ADAMTS3: variants seen among roughly 807,000 people sequenced by gnomAD.
ADAMTS3 encodes ADAM metallopeptidase with thrombospondin type 1 motif 3, also known as A disintegrin and metalloproteinase with thrombospondin motifs 3.
ADAMTS3 carries 73 observed loss-of-function variants against 129.0 expected under a neutral mutation model. The observed-to-expected ratio is 0.57, with a 90% CI of 0.47 to 0.69. The LOEUF is 0.69. ADAMTS3 is among the 30% of genes least tolerant of loss of function. The probability of loss-of-function intolerance (pLI) is 0.00; values close to 1 mark genes in which losing one functional copy is unlikely to be tolerated. For missense variants in ADAMTS3, 1,457 were observed against 1,514.5 expected, an observed-to-expected ratio of 0.96 and a Z score of 0.63; for synonymous variants, 477 against 510.8, an observed-to-expected ratio of 0.93 and a Z score of 0.89.
At chr4:72,284,250 T>C (rs1718439642) in intron 21 of ADAMTS3, among the ~76,000 whole-genome samples, 1 of 152,240 alleles carries the variant, frequency 6.6e-6, no homozygotes, top group South Asian at 2.1e-4. Context: ...GAGACCATCC[T>C]GGCTAACACA....
intron 3 of ADAMTS3, among the ~76,000 whole-genome samples, chr4:72,418,304 T>C (rs553036349): frequency 3.3e-5 from 5 of 152,090 alleles, no homozygotes; most frequent in Admixed American, 6.6e-5. Context: ...CATATTCACA[T>C]AGTGTGGCAG....
intron 3 of ADAMTS3, among the ~76,000 whole-genome samples, chr4:72,534,710 G>A (rs1299455132): frequency 6.6e-6 from 1 of 152,112 alleles, no homozygotes; most frequent in African/African-American, 2.4e-5. Flanking sequence ...TCAAACTCCT[G>A]GTTTTTAAGT....
chr4:72,487,610 T>C (rs1021343441), intron 3 of ADAMTS3, among the ~76,000 whole-genome samples: 5 of 152,154 alleles, frequency 3.3e-5, no homozygotes, highest in Admixed American at 2.6e-4. Flanking sequence ...TATCGGTTAG[T>C]GACAAAAACG....
At chr4:72,346,880 T>C (rs1407908408) in intron 4 of ADAMTS3, among the ~76,000 whole-genome samples, 3 of 152,112 alleles carry the variant, frequency 2.0e-5, no homozygotes, top group Non-Finnish European at 4.4e-5. Context: ...TACACTTCCA[T>C]CTTCAGCTCT....
At chr4:72,494,394 C>T (rs1478133780) in intron 3 of ADAMTS3, among the ~76,000 whole-genome samples, 2 of 152,066 alleles carry the variant, frequency 1.3e-5, no homozygotes, top group Non-Finnish European at 2.9e-5. Flanking sequence ...TCATTGTATT[C>T]TTCAGCTCCA....
chr4:72,518,782 T>C (rs28837236), intron 3 of ADAMTS3, among the ~76,000 whole-genome samples: 45,131 of 147,416 alleles, frequency 0.31, 6,830 homozygotes, highest in Middle Eastern at 0.34. Context: ...GGGTCTTGAC[T>C]CTTTATCCAA....
chr4:72,366,954 T>C (rs1720884939), intron 4 of ADAMTS3, among the ~76,000 whole-genome samples: 1 of 152,078 alleles, frequency 6.6e-6, no homozygotes, highest in Non-Finnish European at 1.5e-5. Flanking sequence ...CTCTCCTTTA[T>C]CCTCTTTTGC....
intron 10 of ADAMTS3, 128 bp from the exon 11 acceptor site, chr4:72,316,099 T>C (rs1167512154): frequency 4.5e-6 from 2 of 449,340 alleles, no homozygotes; most frequent in Non-Finnish European, 7.8e-6. Context: ...AGCCAATGTT[T>C]TGACATGTTG....
chr4:72,535,512 C>T (rs1219936404), intron 3 of ADAMTS3, among the ~76,000 whole-genome samples: 2 of 152,092 alleles, frequency 1.3e-5, no homozygotes, highest in Non-Finnish European at 2.9e-5. Context: ...AGAAGTAGAC[C>T]TTCCAGAAGT....
chr4:72,346,119 T>C (rs981473787), intron 4 of ADAMTS3, among the ~76,000 whole-genome samples: 1 of 152,166 alleles, frequency 6.6e-6, no homozygotes, highest in Non-Finnish European at 1.5e-5. Context: ...TATTTCAAAA[T>C]GGTTACACCA....
chr4:72,543,385 C>A (rs1258890423), intron 3 of ADAMTS3, among the ~76,000 whole-genome samples: 1 of 152,070 alleles, frequency 6.6e-6, no homozygotes, highest in Non-Finnish European at 1.5e-5. Context: ...GTGAACTGAA[C>A]ACACAGTCTT....
chr4:72,520,600 G>A (rs933356000), intron 3 of ADAMTS3, among the ~76,000 whole-genome samples: 25 of 152,282 alleles, frequency 1.6e-4, no homozygotes, highest in African/African-American at 5.3e-4. Context: ...TCAGACTGCC[G>A]TGCTAGCAAT....
chr4:72,319,243 G>T, intron 9 of ADAMTS3, 89 bp downstream of exon 9: 3 of 1,474,422 alleles, frequency 2.0e-6, no homozygotes, highest in South Asian at 1.2e-5. Context: ...CATTTACTGG[G>T]AATTTTGCTA....
chr4:72,544,009 T>G (rs545777955), intron 3 of ADAMTS3, among the ~76,000 whole-genome samples: 1 of 152,256 alleles, frequency 6.6e-6, no homozygotes, highest in South Asian at 2.1e-4. Flanking sequence ...TGGAGTTAGA[T>G]CTCAGTTCAA....
At chr4:72,484,945 G>A (rs1369587649) in intron 3 of ADAMTS3, among the ~76,000 whole-genome samples, 2 of 152,038 alleles carry the variant, frequency 1.3e-5, no homozygotes, top group Non-Finnish European at 2.9e-5. Context: ...AAATATCAAA[G>A]ACCTGAGCAT....
At chr4:72,558,036 A>C (rs1042891182) in intron 2 of ADAMTS3, among the ~76,000 whole-genome samples, 10 of 151,878 alleles carry the variant, frequency 6.6e-5, no homozygotes, top group Non-Finnish European at 8.8e-5. Flanking sequence ...TAGAACTTTG[A>C]AAGATTAATA....
At chr4:72,369,690 G>A (rs957398226) in intron 4 of ADAMTS3, among the ~76,000 whole-genome samples, 3 of 145,266 alleles carry the variant, frequency 2.1e-5, no homozygotes, top group Non-Finnish European at 4.5e-5. Flanking sequence ...CAGCCTGGGC[G>A]ATAGAGTGAG....
chr4:72,485,789 A>AG (rs1279009788), intron 3 of ADAMTS3, among the ~76,000 whole-genome samples: 5 of 152,128 alleles, frequency 3.3e-5, no homozygotes, highest in African/African-American at 9.7e-5. Flanking sequence ...TGAAATTAAG[A>AG]GGGGGGGCCT....
In ADAMTS3 at chr4:72,283,627, T is replaced by A. The variant is rs1718418810; in HGVS notation, c.3127A>T (p.Asn1043Tyr). ...CTGCAGGACTCACAACATAACTTGT[T>A]ATAACCTGGTATGGAGCAGTATCGT... Reference protein sequence around the residue: ...LARYCSIPGYNKLCCESCSKR... With the variant: ...LARYCSIPGYYKLCCESCSKR... The change falls in exon 22 of 22, where the codon AAC (asparagine) becomes TAC (tyrosine). Residue 1043 changes from asparagine (N) to tyrosine (Y), a missense_variant. Physicochemically the swap from Asn to Tyr is moderately radical, Grantham distance 143. Transcript: ENST00000286657. 6.2e-7 allele frequency: 1 copy of A among 1,613,862 alleles called. No individual in the cohort carries two copies. Among genetic ancestry groups the A allele is most frequent in the Non-Finnish European group, 8.5e-7 (1 of 1,179,948 alleles).
Sources: gnomAD v4.1 joint callset for allele counts (sites outside exome capture counted in the v4.1 genomes callset) on GRCh38, gnomAD v4.1.1 for gene constraint, MANE v1.5 for transcripts, NCBI Gene and HGNC (gene_info 2026-07-23, HGNC 2026-07-21) for gene names.